IGSF9: variants seen among roughly 807,000 people sequenced by gnomAD.
IGSF9 encodes the protein protein turtle homolog A.
In IGSF9, 87 loss-of-function variants were observed where a neutral mutation model predicts 121.7. That is an observed-to-expected ratio of 0.71 (90% CI 0.60 to 0.85). IGSF9 has a LOEUF of 0.85. IGSF9 is among the 40% of genes least tolerant of loss of function. The pLI is 0.00. For missense variants in IGSF9, 1,462 were observed against 1,565.3 expected, an observed-to-expected ratio of 0.93 and a Z score of 1.11; for synonymous variants, 640 against 648.4, an observed-to-expected ratio of 0.99 and a Z score of 0.20.
chr1:159,929,416 G>A, intron 17 of IGSF9, 23 bp from the exon 18 acceptor site: 1 of 1,613,584 alleles, frequency 6.2e-7, no homozygotes, highest in South Asian at 1.1e-5. Flanking sequence ...GAGAATAGTA[G>A]GTGACACAGG....
chr1:159,938,312 C>T (rs1000247109), intron 3 of IGSF9, among the ~76,000 whole-genome samples: 4 of 152,154 alleles, frequency 2.6e-5, no homozygotes, highest in Admixed American at 6.5e-5. Context: ...ACCCAGACCC[C>T]GCCTGCCAAA....
chr1:159,939,093 T>G (rs1385911206), intron 3 of IGSF9, among the ~76,000 whole-genome samples: 3 of 152,184 alleles, frequency 2.0e-5, no homozygotes, highest in African/African-American at 4.8e-5. Context: ...CCTTCTCTGC[T>G]GTCCTCACCT....
chr1:159,930,930 C>A, intron 13 of IGSF9, 63 bp from the exon 14 acceptor site: 1 of 1,496,542 alleles, frequency 6.7e-7, no homozygotes. Context: ...ATCTGGGGTC[C>A]AGAGATCTAA....
Position 159,936,816 on chromosome 1 carries a change from G to A in IGSF9, c.493C>T (p.Leu165=), listed in dbSNP as rs528142068. The change falls in exon 5 of 21, where the codon CTG becomes TTG. Residue 165 remains leucine (L), a synonymous_variant. Coordinates refer to ENST00000368094, the MANE Select transcript of IGSF9 (RefSeq NM_001135050.2). ...CGGAGCTTCCACGTCACATGAGGCA[G>A]GGGGCTGCCACGGGCCACACAACGC... is the stretch of plus-strand genomic sequence containing the variant. ...TLRCVARGSP[L]PHVTWKLRGK... 4 of 1,614,218 alleles carry A rather than the reference G, an allele frequency of 2.5e-6. No homozygotes were observed. Among genetic ancestry groups the A allele is most frequent in the Admixed American group, 3.3e-5 (2 of 60,032 alleles).
chr1:159,936,248 C>T (rs1391767494), intron 6 of IGSF9, 151 bp downstream of exon 6: 2 of 676,724 alleles, frequency 3.0e-6, no homozygotes, highest in African/African-American at 3.6e-5. Flanking sequence ...GGTTTCAGAG[C>T]AACAGCCTGC....
chr1:159,937,092 C>T (rs972644389), intron 4 of IGSF9, among the ~76,000 whole-genome samples, 184 bp from the exon 5 acceptor site: 4 of 152,186 alleles, frequency 2.6e-5, no homozygotes, highest in African/African-American at 9.7e-5. Context: ...TTCTGTCAAC[C>T]CACCCCCACA....
intron 18 of IGSF9, 138 bp downstream of exon 18, chr1:159,929,203 GCCACTGCACA>G: frequency 7.8e-7 from 1 of 1,287,384 alleles, no homozygotes; most frequent in Non-Finnish European, 1.1e-6. Flanking sequence ...TCAGGCTGGG[GCCACTGCACA>G]CCCCTTCTTA....
Position 159,934,560 on chromosome 1 carries a change from G to C in IGSF9, c.826C>G (p.Pro276Ala), listed in dbSNP as rs1473006377. ...INVFHISRLQ[P>A]RVRILVDGSL... ...CCGTCCACCAGGATCCGCACCCGGG[G>C]CTGCAGGCGGCTGCAATGTGGCATG... is the stretch of plus-strand genomic sequence containing the variant. The change falls in exon 8 of 21, where the codon CCC (proline) becomes GCC (alanine). Residue 276 changes from proline to alanine, a missense_variant. By Grantham distance (27) the Pro-to-Ala change is conservative. Coordinates refer to ENST00000368094, the MANE Select transcript of IGSF9 (RefSeq NM_001135050.2). 1 of 1,613,748 alleles carries C rather than the reference G, an allele frequency of 6.2e-7. No individual in the cohort carries two copies. Among genetic ancestry groups the C allele is most frequent in the Non-Finnish European group, 8.5e-7 (1 of 1,179,768 alleles).
chr1:159,934,820 G>C lies in IGSF9; in HGVS notation c.676C>G (p.Pro226Ala). 1 of 1,614,024 alleles carries C rather than the reference G, an allele frequency of 6.2e-7. No homozygotes were observed. The highest frequency in any genetic ancestry group is 1.1e-5 in the South Asian group (1 of 91,084). ...THATQLLVLG[P>A]PVIVVPPKNS... The stretch of plus-strand genomic sequence containing the variant: ...TTGGGGGGCACCACGATGACTGGGG[G>C]TCCTGTGGGATGCACAAGGGGAGGA... The change falls in exon 7 of 21, where the codon CCC (proline) becomes GCC (alanine). Residue 226 changes from proline (P) to alanine (A), a missense_variant and splice_region_variant. By Grantham distance (27) the Pro-to-Ala change is conservative (BLOSUM62 -1). Transcript: ENST00000368094.
Position 159,927,746 on chromosome 1 carries a change from G to A in IGSF9, c.3358+14C>T, listed in dbSNP as rs1236535051. On this transcript the variant is annotated intron_variant, in intron 20 of 20. Coordinates refer to ENST00000368094, the MANE Select transcript of IGSF9 (RefSeq NM_001135050.2). ...TATGGCCGAGATGCCTGCCTTTCCG[G>A]GGGGCTCACACACCTAGCTCTGGCT... is the stretch of plus-strand genomic sequence containing the variant. 2 of 1,610,066 alleles carry A rather than the reference G, an allele frequency of 1.2e-6. No homozygotes were observed. The highest frequency in any genetic ancestry group is 2.2e-5 in the South Asian group (2 of 90,434).
rs534654530 is a variant in IGSF9, at chr1:159,928,744, G to C, written c.2644C>G (p.Arg882Gly). ...EPRTPAQRLA[R>G]SFDCSSSSPS... ...CTGCTGCTGCTACAGTCAAAGGACC[G>C]GGCCAGACGCTGGGCTGGAGTCCGA... Residue 882 changes from arginine (R) to glycine (G), a missense_variant, in exon 19 of 21, where the codon CGG (arginine) becomes GGG (glycine). Around this residue, in one of 3 missense-constraint regions of IGSF9, gnomAD observed 808 missense variants for 815.2 expected, o/e 0.99. Transcript: ENST00000368094. 3 of 1,477,996 alleles carry C rather than the reference G, an allele frequency of 2.0e-6. No individual in the cohort carries two copies. The highest frequency in any genetic ancestry group is 2.7e-6 in the Non-Finnish European group (3 of 1,112,068). 91.6% of individuals were successfully genotyped at this position (1,477,996 alleles called of 1,614,324 possible). A position where few individuals can be genotyped will look rare whatever the true frequency, so the allele number is the denominator to read the frequency against.
At chr1:159,942,239 G>A (rs1382073929) in intron 3 of IGSF9, among the ~76,000 whole-genome samples, 2 of 152,188 alleles carry the variant, frequency 1.3e-5, no homozygotes, top group South Asian at 2.1e-4. Flanking sequence ...GCCATTCTAG[G>A]GAGCCAGCTG....
intron 5 of IGSF9, 88 bp downstream of exon 5, chr1:159,936,666 T>C: frequency 1.3e-6 from 2 of 1,557,034 alleles, no homozygotes; most frequent in Non-Finnish European, 1.8e-6. Context: ...GCCTGGCCTT[T>C]GCCTCCTCTG....
At chr1:159,944,006 G>C (rs1256302012) in intron 1 of IGSF9, among the ~76,000 whole-genome samples, 5 of 152,090 alleles carry the variant, frequency 3.3e-5, no homozygotes, top group African/African-American at 1.2e-4. Context: ...GGTAGATCAA[G>C]ACTCTCATGG....
intron 3 of IGSF9, among the ~76,000 whole-genome samples, chr1:159,938,299 G>A (rs1407787510): frequency 6.6e-6 from 1 of 152,158 alleles, no homozygotes; most frequent in Non-Finnish European, 1.5e-5. Flanking sequence ...CCTAGCAGGG[G>A]GAACCCAGAC....
At chr1:159,933,785 T>A (rs1359388505) in intron 9 of IGSF9, 4 of 260,296 alleles carry the variant, frequency 1.5e-5, no homozygotes, top group Non-Finnish European at 3.0e-5. Flanking sequence ...TCTGCCCAGA[T>A]GGTGCCCACT....
At chr1:159,933,929 C>T (rs1651090075) in intron 9 of IGSF9, 1 of 521,242 alleles carries the variant, frequency 1.9e-6, no homozygotes, top group Non-Finnish European at 3.4e-6. Context: ...TCCTTCTTGA[C>T]TCTTTGCCAT....
chr1:159,927,657 G>C, intron 20 of IGSF9, 103 bp downstream of exon 20: 1 of 1,544,450 alleles, frequency 6.5e-7, no homozygotes, highest in Admixed American at 1.9e-5. Flanking sequence ...GAGCAGAGGA[G>C]CCTGGGAGGC....
At chr1:159,938,308 AC>A (rs1467547895) in intron 3 of IGSF9, among the ~76,000 whole-genome samples, 1 of 152,016 alleles carries the variant, frequency 6.6e-6, no homozygotes, top group African/African-American at 2.4e-5. Context: ...GGGAACCCAG[AC>A]CCCGCCTGCC....
Sources: gnomAD v4.1 joint callset for allele counts (sites outside exome capture counted in the v4.1 genomes callset) on GRCh38, gnomAD v4.1.1 for gene constraint, gnomAD v4.1.1 regional missense constraint, MANE v1.5 for transcripts, NCBI Gene and HGNC (gene_info 2026-07-23, HGNC 2026-07-21) for gene names.